MGAT4C: variants seen among roughly 807,000 people sequenced by gnomAD.
MGAT4C encodes the protein alpha-1,3-mannosyl-glycoprotein 4-beta-N-acetylglucosaminyltransferase C.
In MGAT4C, 19 loss-of-function variants were observed where a neutral mutation model predicts 40.1. That is an observed-to-expected ratio of 0.47 (90% CI 0.33 to 0.70). The LOEUF (loss-of-function observed/expected upper bound fraction) is 0.70, where lower values mean the gene tolerates loss of function less well. MGAT4C is among the 30% of genes least tolerant of loss of function. MGAT4C has a pLI of 0.02. For synonymous variants in MGAT4C, 181 were observed against 187.1 expected, an observed-to-expected ratio of 0.97 and a Z score of 0.27; for missense variants, 491 against 563.2, an observed-to-expected ratio of 0.87 and a Z score of 1.30.
chr12:85,967,760 A>T lies in MGAT4C; in HGVS notation c.*11529T>A. 6.6e-6 allele frequency: 1 copy of T among 152,090 alleles called. No homozygotes were observed. The highest frequency in any genetic ancestry group is 1.9e-4 in the East Asian group (1 of 5,190). The allele number at this position is 152,090 out of a possible 1,614,324, so 9.4% of individuals were successfully genotyped here. On this transcript the variant is annotated 3_prime_UTR_variant, in exon 5 of 5. Coordinates refer to ENST00000611864, the MANE Select transcript of MGAT4C (RefSeq NM_001351288.2). ...TCTCTTTAGCCAGAAATGACTGAGA[A>T]ATTTTGAGTTGGAATTGATATAGGG...
rs73387836 is a variant in MGAT4C, at chr12:86,440,088, T to C, written c.-228-4823A>G. 3.2e-3 allele frequency among the ~76,000 whole-genome samples: 489 copies of C among 152,156 alleles called. 2 individuals carry two copies. Among genetic ancestry groups the C allele is most frequent in the African/African-American group, 0.011 (476 of 41,538 alleles). On this transcript the variant is annotated intron_variant, in intron 2 of 7. Coordinates refer to the MGAT4C transcript ENST00000548651. ...CCTATCCTACAGAAACGATTTCAAA[T>C]GATTGAGAAAGAGGGAATATTCCTA...
chr12:86,755,049 T>C (rs370432747), intron 1 of MGAT4C, among the ~76,000 whole-genome samples: 10 of 152,178 alleles, frequency 6.6e-5, no homozygotes, highest in East Asian at 1.9e-4. Context: ...AATACTAATC[T>C]GTATGTTGCT....
intron 4 of MGAT4C, among the ~76,000 whole-genome samples, chr12:86,314,251 G>A (rs142110945): frequency 6.6e-6 from 1 of 152,252 alleles, no homozygotes; most frequent in Non-Finnish European, 1.5e-5. Flanking sequence ...TAGAGAGATG[G>A]AGGAGAGAGA....
intron 1 of MGAT4C, among the ~76,000 whole-genome samples, chr12:86,837,062 A>G (rs1190201052): frequency 6.6e-6 from 1 of 152,144 alleles, no homozygotes; most frequent in Admixed American, 6.6e-5. Flanking sequence ...GTAGTTTCAG[A>G]GAGTGCACTT....
intron 1 of MGAT4C, among the ~76,000 whole-genome samples, chr12:86,200,815 C>T (rs749420559): frequency 1.3e-4 from 20 of 152,064 alleles, no homozygotes; most frequent in Non-Finnish European, 2.6e-4. Flanking sequence ...ACGTAATAAA[C>T]GTTAAATCAG....
chr12:86,670,716 A>T (rs1379555261), intron 2 of MGAT4C, among the ~76,000 whole-genome samples: 1 of 152,140 alleles, frequency 6.6e-6, no homozygotes, highest in African/African-American at 2.4e-5. Context: ...TCCTGAGAAC[A>T]CCTGAAAGAT....
At chr12:86,325,920 T>C (rs780423899) in intron 4 of MGAT4C, among the ~76,000 whole-genome samples, 8 of 151,948 alleles carry the variant, frequency 5.3e-5, no homozygotes, top group Admixed American at 6.6e-5. Flanking sequence ...CAGGGTTCCC[T>C]ATACAGTCAT....
upstream of MGAT4C, among the ~76,000 whole-genome samples, chr12:86,258,286 T>TCTAC (rs2136091902): frequency 1.2e-5 from 1 of 81,988 alleles, no homozygotes; most frequent in South Asian, 4.0e-4. Context: ...CAGGATATAA[T>TCTAC]CTATCTATCT....
chr12:86,764,988 C>T (rs1424429853), intron 1 of MGAT4C, among the ~76,000 whole-genome samples: 4 of 152,180 alleles, frequency 2.6e-5, no homozygotes, highest in African/African-American at 9.6e-5. Context: ...CGCAGTTCCT[C>T]ACCAGCAATG....
intron 3 of MGAT4C, among the ~76,000 whole-genome samples, chr12:86,356,427 T>G (rs573548135): frequency 6.6e-6 from 1 of 152,096 alleles, no homozygotes; most frequent in Non-Finnish European, 1.5e-5. Context: ...AGATGGGTGA[T>G]TTTTGCATTT....
chr12:86,406,910 A>G (rs892315777), intron 3 of MGAT4C, among the ~76,000 whole-genome samples: 3 of 152,114 alleles, frequency 2.0e-5, no homozygotes, highest in African/African-American at 7.2e-5. Context: ...TTCTAATGCT[A>G]TCTACCTGGA....
In MGAT4C at chr12:86,819,206, T is replaced by A. The variant is rs188005184; in HGVS notation, c.-262+19460A>T. 5.3e-5 allele frequency among the ~76,000 whole-genome samples: 8 copies of A among 151,060 alleles called. No individual in the cohort carries two copies. The East Asian group carries it at 1.4e-3, about 26-fold the overall frequency. The stretch of plus-strand genomic sequence containing the variant: ...TTATTATATCTCAGTTTCTTAAGTA[T>A]CATCATCATCAACTACTTAAAATGA... On this transcript the variant is annotated intron_variant, in intron 1 of 7. Transcript: ENST00000548651.
At chr12:86,513,353 C>G (rs1005338686) in intron 2 of MGAT4C, among the ~76,000 whole-genome samples, 1 of 151,998 alleles carries the variant, frequency 6.6e-6, no homozygotes, top group Non-Finnish European at 1.5e-5. Flanking sequence ...ATCTGAAGGA[C>G]GACAAGCAGA....
intron 1 of MGAT4C, among the ~76,000 whole-genome samples, chr12:86,052,140 T>G (rs1303417143): frequency 6.6e-6 from 1 of 151,878 alleles, no homozygotes; most frequent in East Asian, 1.9e-4. Flanking sequence ...ATTATACATT[T>G]TTATCATTTT....
chr12:86,250,798 T>A (rs1331941566), intron 1 of MGAT4C, among the ~76,000 whole-genome samples: 1 of 152,114 alleles, frequency 6.6e-6, no homozygotes, highest in Admixed American at 6.6e-5. Context: ...AAGTTTTATA[T>A]GCAGTAAATG....
chr12:86,505,216 A>C (rs911182404), intron 2 of MGAT4C, among the ~76,000 whole-genome samples: 1 of 152,138 alleles, frequency 6.6e-6, no homozygotes, highest in Admixed American at 6.6e-5. Context: ...TGAAAAAAAA[A>C]ATCCTGGCTA....
chr12:86,814,762 G>A (rs1952567772), intron 1 of MGAT4C, among the ~76,000 whole-genome samples: 1 of 151,868 alleles, frequency 6.6e-6, no homozygotes. Context: ...TATAAAAGAG[G>A]CCCCAGAGAG....
chr12:86,332,574 G>T (rs566132425), intron 4 of MGAT4C, among the ~76,000 whole-genome samples: 2 of 151,888 alleles, frequency 1.3e-5, no homozygotes, highest in African/African-American at 2.4e-5. Flanking sequence ...CAAAATATAT[G>T]AAGTAATCAA....
chr12:86,501,948 CCCA>C (rs1286608945), intron 2 of MGAT4C, among the ~76,000 whole-genome samples: 1 of 152,010 alleles, frequency 6.6e-6, no homozygotes, highest in Non-Finnish European at 1.5e-5. Context: ...AATTTACATT[CCCA>C]CCAACAGTGT....
Sources: allele counts gnomAD v4.1 joint callset (sites outside exome capture counted in the v4.1 genomes callset), GRCh38; gene constraint gnomAD v4.1.1; transcripts MANE v1.5; gene names NCBI Gene and HGNC (gene_info 2026-07-23, HGNC 2026-07-21).